Variants in PIP4K2C observed in about 807,000 individuals in gnomAD.
PIP4K2C encodes phosphatidylinositol-5-phosphate 4-kinase type 2 gamma.
PIP4K2C carries 21 observed loss-of-function variants against 45.0 expected under a neutral mutation model. The observed-to-expected ratio is 0.47, with a 90% CI of 0.33 to 0.67. The LOEUF is 0.67. Ranked by LOEUF, PIP4K2C falls within the 30% of genes least tolerant of loss-of-function variation. PIP4K2C has a pLI of 0.02. For missense variants in PIP4K2C, 456 were observed against 542.8 expected (o/e 0.84, Z 1.59); for synonymous variants, 201 against 204.8 (o/e 0.98, Z 0.16).
intron 4 of PIP4K2C, among the ~76,000 whole-genome samples, chr12:57,597,121 G>T (rs935296150): frequency 1.3e-5 from 2 of 152,132 alleles, no homozygotes; most frequent in African/African-American, 2.4e-5. Flanking sequence ...AAGAAGTTTG[G>T]ACTTTATCCT....
intron 8 of PIP4K2C, 76 bp from the exon 9 acceptor site, chr12:57,601,169 C>T (rs1883420799): frequency 6.3e-7 from 1 of 1,588,398 alleles, no homozygotes. Flanking sequence ...ATTAGCTTTT[C>T]AGAACAAAAC....
chr12:57,596,669 C>T (rs1425161016), intron 4 of PIP4K2C, among the ~76,000 whole-genome samples: 1 of 152,126 alleles, frequency 6.6e-6, no homozygotes. Context: ...ATATTGAATA[C>T]CTCTTATTAG....
intron 1 of PIP4K2C, among the ~76,000 whole-genome samples, chr12:57,592,900 C>CTT (rs74320065): frequency 7.4e-5 from 9 of 121,340 alleles, no homozygotes; most frequent in South Asian, 2.6e-4. Context: ...TCTCAAGTGG[C>CTT]TTTTTTTTTT....
At position 57,601,699 on chromosome 12, in the gene PIP4K2C, TC is replaced by T. The variant is rs1182844796; in HGVS notation, c.*95del. The T allele has an allele frequency of 8.7e-7, 1 of 1,152,924 alleles. No homozygotes were observed. The highest frequency in any genetic ancestry group is 1.7e-5 in the Admixed American group (1 of 58,704). 71.4% of individuals were successfully genotyped at this position (1,152,924 alleles called of 1,614,324 possible). On this transcript the variant is annotated 3_prime_UTR_variant, in exon 10 of 10. Transcript: ENST00000354947. ...ATATTCTAGCCACCAGTTCTCTTCT[TC>T]CTTTGCTAAATTCAGGCTGCAGGCT...
chr12:57,591,909 C>T (rs531693974), intron 1 of PIP4K2C, among the ~76,000 whole-genome samples: 1 of 152,100 alleles, frequency 6.6e-6, no homozygotes, highest in South Asian at 2.1e-4. Flanking sequence ...ACCTTGCTTC[C>T]CAGCCCCGGT....
rs2140194350 is a variant in PIP4K2C, at chr12:57,601,277, C to T, written c.1114C>T (p.Leu372Phe). The T allele has an allele frequency of 6.2e-7, 1 of 1,613,856 alleles. No individual in the cohort carries two copies. The highest frequency in any genetic ancestry group is 1.3e-5 in the African/African-American group (1 of 74,996). ...APQKEVYFMGLIDILTQYDAK... is the reference protein window; with the variant it reads ...APQKEVYFMGFIDILTQYDAK... The stretch of plus-strand genomic sequence containing the variant: ...CCAGAAGGAGGTCTACTTCATGGGC[C>T]TCATTGATATCCTTACACAGTATGA... Residue 372 changes from leucine to phenylalanine, a missense_variant, in exon 9 of 10, where the codon CTC (leucine) becomes TTC (phenylalanine). Coordinates refer to ENST00000354947, the MANE Select transcript of PIP4K2C (RefSeq NM_024779.5).
At position 57,595,948 on chromosome 12, in the gene PIP4K2C, T is replaced by G. The variant is rs758470788; in HGVS notation, c.430T>G (p.Ser144Ala). ...SEGSDGRFLI[S>A]YDRTLVIKEV... ...AGGCAGTGATGGTCGCTTCCTTATC[T>G]CCTACGATCGGACTCTGGTCATCAA... is the stretch of plus-strand genomic sequence containing the variant. Residue 144 changes from serine to alanine, a missense_variant, in exon 4 of 10, where the codon TCC (serine) becomes GCC (alanine). Ser to Ala is a moderately conservative substitution (Grantham distance 99). This residue lies in a region of PIP4K2C where 421 missense variants were observed against 473.1 expected (regional missense o/e 0.89). Transcript: ENST00000354947. 30 of 1,613,874 alleles carry G rather than the reference T, an allele frequency of 1.9e-5. No homozygotes were observed. The highest frequency in any genetic ancestry group is 1.7e-4 in the Admixed American group (10 of 59,992).
intron 4 of PIP4K2C, among the ~76,000 whole-genome samples, chr12:57,596,484 TAA>T (rs76543234): frequency 3.1e-4 from 29 of 93,492 alleles, no homozygotes; most frequent in Non-Finnish European, 3.1e-4. Context: ...AAACTCCGCC[TAA>T]AAAAAAAAAA....
chr12:57,595,687 A>G (rs1344142831), intron 3 of PIP4K2C, among the ~76,000 whole-genome samples: 3 of 137,090 alleles, frequency 2.2e-5, no homozygotes, highest in Non-Finnish European at 4.6e-5. Context: ...TGGGTGACAG[A>G]GCGAGACTCC....
Position 57,593,675 on chromosome 12 carries a change from GTTTTTTTTTTTTTTT to G in PIP4K2C, c.175-332_175-318del, listed in dbSNP as rs56900742. Among the ~76,000 whole-genome samples, 595 of 64,076 alleles carry G rather than the reference GTTTTTTTTTTTTTTT, an allele frequency of 9.3e-3. 5 individuals carry two copies. The highest frequency in any genetic ancestry group is 0.039 in the African/African-American group (535 of 13,728). 42.0% of individuals were successfully genotyped at this position (64,076 alleles called of 152,430 possible). On this transcript the variant is annotated intron_variant, in intron 1 of 9. Transcript: ENST00000354947. ...CATGTAGCTGCCTTGAGCTTGCAGA[GTTTTTTTTTTTTTTT>G]TTTTTTTTTTTTTTTTTCTAGAATT...
intron 1 of PIP4K2C, 59 bp downstream of exon 1, chr12:57,591,522 C>A: frequency 6.7e-7 from 1 of 1,487,988 alleles, no homozygotes; most frequent in Non-Finnish European, 9.0e-7. Flanking sequence ...CCGAGGCGTC[C>A]CTGTTTCCAG....
intron 1 of PIP4K2C, among the ~76,000 whole-genome samples, chr12:57,593,641 C>G (rs1336334522): frequency 2.1e-5 from 2 of 96,462 alleles, no homozygotes; most frequent in Admixed American, 2.1e-4. Flanking sequence ...TTTTCTTTTT[C>G]TAATGGAACA....
intron 1 of PIP4K2C, among the ~76,000 whole-genome samples, chr12:57,591,825 TG>T (rs1882974672): frequency 6.6e-6 from 1 of 151,952 alleles, no homozygotes; most frequent in African/African-American, 2.4e-5. Flanking sequence ...GGGTGGTTGT[TG>T]GTGAGAGTGT....
At chr12:57,600,574 T>A in intron 7 of PIP4K2C, 137 bp downstream of exon 7, 1 of 801,760 alleles carries the variant, frequency 1.2e-6, no homozygotes, top group Admixed American at 2.5e-5. Context: ...GGGGGTTTAG[T>A]ATGAGACATG....
In PIP4K2C at chr12:57,599,127, T is replaced by C; in HGVS notation, c.576T>C (p.Ser192=). 6.2e-7 allele frequency: 1 copy of C among 1,614,166 alleles called. No homozygotes were observed. The highest frequency in any genetic ancestry group is 1.1e-5 in the South Asian group (1 of 91,090). The change falls in exon 5 of 10, where the codon AGT becomes AGC. Residue 192 remains serine, a synonymous_variant. Transcript: ENST00000354947. ...LPQFLGMYRV[S]VDNEDSYMLV... Reference sequence around the variant, plus strand: ...AGTTCCTGGGGATGTACCGAGTCAGTGTGGACAACGAAGACAGCTACATGC... The same window carrying C: ...AGTTCCTGGGGATGTACCGAGTCAGCGTGGACAACGAAGACAGCTACATGC...
chr12:57,591,619 G>C (rs1313255004), intron 1 of PIP4K2C, among the ~76,000 whole-genome samples, 156 bp downstream of exon 1: 1 of 152,198 alleles, frequency 6.6e-6, no homozygotes, highest in East Asian at 1.9e-4. Flanking sequence ...TGTTCCCCCA[G>C]CAGGTTTTCT....
intron 7 of PIP4K2C, 117 bp downstream of exon 7, chr12:57,600,554 C>A: frequency 1.2e-6 from 1 of 823,364 alleles, no homozygotes. Context: ...TTCAGGTCCT[C>A]TGCCTATATG....
intron 1 of PIP4K2C, among the ~76,000 whole-genome samples, chr12:57,593,764 T>C (rs1385362595): frequency 1.5e-5 from 2 of 137,302 alleles, no homozygotes; most frequent in African/African-American, 5.5e-5. Flanking sequence ...GTTAGCCTAA[T>C]ATAAAATGAC....
intron 7 of PIP4K2C, 146 bp downstream of exon 7, chr12:57,600,583 T>C (rs1883385610): frequency 1.2e-6 from 1 of 816,178 alleles, no homozygotes. Flanking sequence ...GTATGAGACA[T>C]GAAAAACCCC....
Sources: gnomAD v4.1 joint callset for allele counts (sites outside exome capture counted in the v4.1 genomes callset) on GRCh38, gnomAD v4.1.1 for gene constraint, gnomAD v4.1.1 regional missense constraint, MANE v1.5 for transcripts, NCBI Gene and HGNC (gene_info 2026-07-23, HGNC 2026-07-21) for gene names.